COP1: variants seen among roughly 807,000 people sequenced by gnomAD.
COP1 encodes COP1 E3 ubiquitin ligase, also known as E3 ubiquitin-protein ligase COP1.
In COP1, 24 loss-of-function variants were observed where a neutral mutation model predicts 101.3. The observed-to-expected ratio is 0.24, with a 90% CI of 0.17 to 0.33. The LOEUF is 0.33. Among genes scored for constraint, COP1 ranks in the 10% least tolerant of loss-of-function variants. The pLI, the probability that COP1 is intolerant of heterozygous loss-of-function variation, is 1.00. For synonymous variants in COP1, 347 were observed against 341.9 expected, an observed-to-expected ratio of 1.01 and a Z score of -0.17; for missense variants, 663 against 906.2, an observed-to-expected ratio of 0.73 and a Z score of 3.45.
chr1:175,999,443 CT>C (rs998233132), intron 15 of COP1, among the ~76,000 whole-genome samples: 2 of 151,818 alleles, frequency 1.3e-5, no homozygotes, highest in African/African-American at 4.8e-5. Flanking sequence ...GAATCTCATT[CT>C]TTTTTTTAAT....
chr1:175,981,402 A>C (rs1655833764), intron 18 of COP1, among the ~76,000 whole-genome samples: 1 of 152,136 alleles, frequency 6.6e-6, no homozygotes, highest in Admixed American at 6.5e-5. Flanking sequence ...CCAGGGAGGA[A>C]GAAAAAAGAA....
At chr1:176,131,646 G>T (rs957814825) in intron 8 of COP1, among the ~76,000 whole-genome samples, 3 of 151,572 alleles carry the variant, frequency 2.0e-5, no homozygotes, top group Admixed American at 1.3e-4. Flanking sequence ...AATTCTGAAA[G>T]AAAAAAGATT....
At chr1:176,149,556 G>A (rs185195285) in intron 5 of COP1, among the ~76,000 whole-genome samples, 15 of 152,218 alleles carry the variant, frequency 9.9e-5, no homozygotes, top group Admixed American at 8.5e-4. Flanking sequence ...CTTATTCACA[G>A]ATGTGAGAAT....
At chr1:176,056,333 A>G (rs1238878971) in intron 11 of COP1, among the ~76,000 whole-genome samples, 1 of 152,146 alleles carries the variant, frequency 6.6e-6, no homozygotes, top group Non-Finnish European at 1.5e-5. Context: ...TTTTATTAAC[A>G]TTTATTTTTT....
chr1:176,003,341 G>A (rs1411595357), intron 15 of COP1, among the ~76,000 whole-genome samples: 2 of 152,244 alleles, frequency 1.3e-5, no homozygotes, highest in Admixed American at 6.5e-5. Flanking sequence ...CTGTGCAGAA[G>A]CTCTTTAGTT....
At chr1:176,115,312 C>T (rs1309422571) in intron 9 of COP1, among the ~76,000 whole-genome samples, 5 of 151,846 alleles carry the variant, frequency 3.3e-5, no homozygotes, top group South Asian at 2.1e-4. Flanking sequence ...TACCCAGACG[C>T]GGTGGCACAC....
At chr1:176,088,187 G>A (rs190820988) in intron 9 of COP1, among the ~76,000 whole-genome samples, 6 of 151,776 alleles carry the variant, frequency 4.0e-5, no homozygotes, top group East Asian at 1.9e-4. Context: ...AAACCAACAC[G>A]GCACATGTAT....
chr1:176,201,462 A>G (rs1482228519), intron 1 of COP1, among the ~76,000 whole-genome samples: 1 of 152,220 alleles, frequency 6.6e-6, no homozygotes, highest in Non-Finnish European at 1.5e-5. Context: ...GGCTACAGTT[A>G]CTTTAATCAG....
At chr1:176,056,561 C>T (rs1425342983) in intron 11 of COP1, among the ~76,000 whole-genome samples, 3 of 152,008 alleles carry the variant, frequency 2.0e-5, no homozygotes, top group African/African-American at 4.8e-5. Flanking sequence ...TGCTTTCTAG[C>T]CTGAATTAAA....
At chr1:176,043,899 G>T in intron 12 of COP1, 81 bp from the exon 13 acceptor site, 1 of 826,974 alleles carries the variant, frequency 1.2e-6, no homozygotes, top group East Asian at 2.5e-5. Flanking sequence ...TGTTCAGAAA[G>T]ATTTGCACTA....
chr1:176,181,802 C>T (rs1221933450), intron 2 of COP1, among the ~76,000 whole-genome samples: 2 of 151,330 alleles, frequency 1.3e-5, no homozygotes, highest in Non-Finnish European at 2.9e-5. Flanking sequence ...GAGATCGAGC[C>T]ACTGCACTCC....
intron 13 of COP1, 96 bp from the exon 14 acceptor site, chr1:176,043,363 C>A: frequency 7.0e-6 from 5 of 718,634 alleles, no homozygotes; most frequent in Non-Finnish European, 1.2e-5. Context: ...TTTATTGTTA[C>A]GGGGAGAGGG....
At chr1:176,164,797 A>G (rs897151822) in intron 3 of COP1, among the ~76,000 whole-genome samples, 1 of 152,138 alleles carries the variant, frequency 6.6e-6, no homozygotes, top group Non-Finnish European at 1.5e-5. Flanking sequence ...GGATCTTTCT[A>G]TTTTTCTACA....
chr1:176,117,070 C>T (rs1686318533), intron 8 of COP1, among the ~76,000 whole-genome samples: 1 of 152,130 alleles, frequency 6.6e-6, no homozygotes, highest in African/African-American at 2.4e-5. Flanking sequence ...GGTTAACACA[C>T]CCTGCTATGC....
chr1:176,184,509 A>G (rs921569486), intron 2 of COP1, 124 bp downstream of exon 2: 9 of 721,190 alleles, frequency 1.2e-5, no homozygotes, highest in Middle Eastern at 2.8e-4. Context: ...AAGACATGTC[A>G]AGAAAAAAAA....
rs202153223 is a variant in COP1, at chr1:175,945,107, G to A, written c.*46C>T. 1 of 1,395,144 alleles carries A rather than the reference G, an allele frequency of 7.2e-7. No homozygotes were observed. Among genetic ancestry groups the A allele is most frequent in the East Asian group, 2.3e-5 (1 of 43,306 alleles). 86.4% of individuals were successfully genotyped at this position (1,395,144 alleles called of 1,614,324 possible). A position where few individuals can be genotyped will look rare whatever the true frequency, so the allele number is the denominator to read the frequency against. On this transcript the variant is annotated 3_prime_UTR_variant, in exon 20 of 20. Transcript: ENST00000367669. The stretch of plus-strand genomic sequence containing the variant: ...GTTTCTTCTCTCATTGTCAGCTGCA[G>A]ATGTATTTCAGCAGGATCAAGTACA...
At chr1:176,025,338 T>C (rs1266276796) in intron 15 of COP1, among the ~76,000 whole-genome samples, 2 of 151,648 alleles carry the variant, frequency 1.3e-5, no homozygotes, top group East Asian at 1.9e-4. Flanking sequence ...TGGGCAGATA[T>C]CAAGTATAAA....
chr1:176,057,269 T>C (rs950616759), intron 11 of COP1, among the ~76,000 whole-genome samples: 2 of 152,194 alleles, frequency 1.3e-5, no homozygotes, highest in African/African-American at 4.8e-5. Context: ...TTTGCTATAA[T>C]AAGAACTTAA....
intron 1 of COP1, among the ~76,000 whole-genome samples, chr1:176,199,376 T>C (rs1364781133): frequency 1.4e-5 from 2 of 143,064 alleles, no homozygotes; most frequent in Non-Finnish European, 3.2e-5. Flanking sequence ...AGTTTTGCAG[T>C]TTATTTTAAA....
Sources: gnomAD v4.1 joint callset for allele counts (sites outside exome capture counted in the v4.1 genomes callset) on GRCh38, gnomAD v4.1.1 for gene constraint, MANE v1.5 for transcripts, NCBI Gene and HGNC (gene_info 2026-07-23, HGNC 2026-07-21) for gene names.